COL24A1: variants seen among roughly 807,000 people sequenced by gnomAD.
COL24A1 encodes collagen type XXIV alpha 1 chain.
Under a neutral mutation model 253.9 loss-of-function variants are expected in COL24A1, and 224 were observed. That is an observed-to-expected ratio of 0.88 (90% CI 0.79 to 0.99). COL24A1 has a LOEUF of 0.99. Among genes scored for constraint, COL24A1 ranks in the 50% least tolerant of loss-of-function variants. The pLI, the probability that COL24A1 is intolerant of heterozygous loss-of-function variation, is 0.00. For synonymous variants in COL24A1, 685 were observed against 673.7 expected, an observed-to-expected ratio of 1.02 and a Z score of -0.26; for missense variants, 2,131 against 2,068.5, an observed-to-expected ratio of 1.03 and a Z score of -0.59.
intron 24 of COL24A1, among the ~76,000 whole-genome samples, chr1:85,941,636 A>T (rs905248331): frequency 6.6e-6 from 1 of 152,156 alleles, no homozygotes; most frequent in Non-Finnish European, 1.5e-5. Flanking sequence ...TTTTTAAAAA[A>T]ATGGAATCCT....
intron 28 of COL24A1, among the ~76,000 whole-genome samples, chr1:85,897,560 T>C (rs1311453105): frequency 1.3e-5 from 2 of 152,004 alleles, no homozygotes; most frequent in African/African-American, 2.4e-5. Flanking sequence ...GTAGAGAAAA[T>C]ACTACTGAAA....
chr1:85,952,605 C>T (rs1444180865), intron 24 of COL24A1, among the ~76,000 whole-genome samples: 1 of 152,184 alleles, frequency 6.6e-6, no homozygotes, highest in Non-Finnish European at 1.5e-5. Context: ...TAAAGTATAA[C>T]CTTCCAGGAC....
chr1:85,968,428 T>C (rs1403192452), intron 22 of COL24A1, among the ~76,000 whole-genome samples: 1 of 152,166 alleles, frequency 6.6e-6, no homozygotes, highest in Non-Finnish European at 1.5e-5. Context: ...ATAAAAGCTT[T>C]AGCCACTTAC....
chr1:85,997,053 GTGTATATA>G (rs1426228866), intron 19 of COL24A1, among the ~76,000 whole-genome samples: 1 of 64,708 alleles, frequency 1.5e-5, no homozygotes, highest in South Asian at 5.6e-4. Flanking sequence ...GTGTGTGTGT[GTGTATATA>G]TATATATATA....
At chr1:85,959,511 C>T (rs1240437785) in intron 24 of COL24A1, among the ~76,000 whole-genome samples, 1 of 152,110 alleles carries the variant, frequency 6.6e-6, no homozygotes, top group Non-Finnish European at 1.5e-5. Context: ...AATTTATTAG[C>T]TATGTAACTT....
At chr1:86,035,086 G>A (rs1437223749) in intron 12 of COL24A1, among the ~76,000 whole-genome samples, 1 of 152,004 alleles carries the variant, frequency 6.6e-6, no homozygotes, top group African/African-American at 2.4e-5. Context: ...GTTTAACAAT[G>A]GAAAAAATGT....
intron 59 of COL24A1, among the ~76,000 whole-genome samples, chr1:85,731,290 A>G (rs1205326741): frequency 1.3e-5 from 2 of 152,154 alleles, no homozygotes; most frequent in African/African-American, 2.4e-5. Flanking sequence ...ATATCCTGTG[A>G]TTAAGATTCA....
intron 19 of COL24A1, among the ~76,000 whole-genome samples, chr1:86,010,880 T>C (rs555546157): frequency 1.4e-4 from 21 of 152,258 alleles, no homozygotes; most frequent in African/African-American, 4.6e-4. Context: ...TAAAAAAGTG[T>C]AAGAAAATAC....
intron 37 of COL24A1, among the ~76,000 whole-genome samples, chr1:85,855,392 A>C (rs560178181): frequency 4.6e-5 from 7 of 152,132 alleles, no homozygotes; most frequent in African/African-American, 1.7e-4. Context: ...TGTACTTTCA[A>C]TGTCAAGTTT....
chr1:86,125,353 G>A lies in COL24A1; in HGVS notation c.983C>T (p.Thr328Ile). The change falls in exon 3 of 60, where the codon ACA (threonine) becomes ATA (isoleucine). Residue 328 changes from threonine (T) to isoleucine (I), a missense_variant. Thr to Ile is a moderately conservative substitution (Grantham distance 89, BLOSUM62 -1). Coordinates refer to ENST00000370571, the MANE Select transcript of COL24A1 (RefSeq NM_152890.7). ...QSGNVSAVDL[T>I]NHGIQAKEMI... ...TTCTTTGGCCTGAATCCCATGGTTT[G>A]TGAGATCCACAGCAGAGACATTTCC... 1 of 1,613,622 alleles carries A rather than the reference G, an allele frequency of 6.2e-7. No individual in the cohort carries two copies. Among genetic ancestry groups the A allele is most frequent in the Admixed American group, 1.7e-5 (1 of 59,866 alleles).
At chr1:85,916,692 C>T (rs1044918045) in intron 24 of COL24A1, among the ~76,000 whole-genome samples, 1 of 152,052 alleles carries the variant, frequency 6.6e-6, no homozygotes, top group African/African-American at 2.4e-5. Flanking sequence ...CGTACTATTT[C>T]AGTACCTTAA....
chr1:85,801,414 G>A (rs531627732), intron 47 of COL24A1, among the ~76,000 whole-genome samples: 2 of 152,300 alleles, frequency 1.3e-5, no homozygotes, highest in Non-Finnish European at 2.9e-5. Flanking sequence ...AGGAGAGAAA[G>A]GTAATATATT....
intron 24 of COL24A1, among the ~76,000 whole-genome samples, chr1:85,913,903 G>A (rs1462057461): frequency 6.6e-6 from 1 of 152,154 alleles, no homozygotes; most frequent in African/African-American, 2.4e-5. Context: ...AATATTGTAG[G>A]CTGGGTGACT....
chr1:86,109,344 G>C (rs1319507945), intron 5 of COL24A1, among the ~76,000 whole-genome samples: 1 of 148,438 alleles, frequency 6.7e-6, no homozygotes, highest in African/African-American at 2.5e-5. Flanking sequence ...ATTTAGATTT[G>C]AATTATCCTT....
chr1:86,050,969 T>A (rs1384696744), intron 10 of COL24A1, among the ~76,000 whole-genome samples: 1 of 152,096 alleles, frequency 6.6e-6, no homozygotes, highest in Admixed American at 6.6e-5. Flanking sequence ...AGAATAAAAA[T>A]TTTAGACTGT....
intron 2 of COL24A1, among the ~76,000 whole-genome samples, chr1:86,135,483 T>C (rs1191593690): frequency 2.0e-5 from 3 of 152,126 alleles, no homozygotes; most frequent in Non-Finnish European, 4.4e-5. Flanking sequence ...TTGTCTTCTA[T>C]ATGTCTCATA....
intron 5 of COL24A1, 87 bp from the exon 6 acceptor site, chr1:86,092,407 A>G (rs1703566858): frequency 8.0e-6 from 7 of 878,148 alleles, no homozygotes; most frequent in Admixed American, 4.4e-5. Flanking sequence ...ACCAGATGTT[A>G]TATACATTAT....
At chr1:86,030,070 A>G (rs1698420730) in intron 14 of COL24A1, 1 of 152,164 alleles carries the variant, frequency 6.6e-6, no homozygotes, top group African/African-American at 2.4e-5. Flanking sequence ...ACATGAAAAG[A>G]GAAAGAGGAA....
At chr1:85,864,833 A>C (rs1282755433) in intron 37 of COL24A1, among the ~76,000 whole-genome samples, 1 of 152,188 alleles carries the variant, frequency 6.6e-6, no homozygotes, top group Non-Finnish European at 1.5e-5. Context: ...ATTTTAATAC[A>C]TCCAACTTTG....
Sources: allele counts gnomAD v4.1 joint callset (sites outside exome capture counted in the v4.1 genomes callset), GRCh38; gene constraint gnomAD v4.1.1; transcripts MANE v1.5; gene names NCBI Gene and HGNC (gene_info 2026-07-23, HGNC 2026-07-21).